Variants in BOD1L1 observed in about 807,000 individuals in gnomAD.
BOD1L1 encodes the protein biorientation of chromosomes in cell division protein 1-like 1.
In BOD1L1, 86 loss-of-function variants were observed where a neutral mutation model predicts 240.7. The ratio of observed to expected loss-of-function variants is 0.36; its 90% CI spans 0.30 to 0.43. The LOEUF (loss-of-function observed/expected upper bound fraction) is 0.43, where lower values mean the gene tolerates loss of function less well. Ranked by LOEUF, BOD1L1 falls within the 20% of genes least tolerant of loss-of-function variation. The pLI is 1.00. For synonymous variants in BOD1L1, 1,268 were observed against 1,272.3 expected (o/e 1.00, Z 0.07); for missense variants, 3,554 against 3,643.5 (o/e 0.98, Z 0.63).
At chr4:13,583,971 C>T (rs1713437451) in intron 17 of BOD1L1, among the ~76,000 whole-genome samples, 1 of 152,166 alleles carries the variant, frequency 6.6e-6, no homozygotes, top group African/African-American at 2.4e-5. Flanking sequence ...CCTTAAGGTA[C>T]TTTGACAGTA....
intron 2 of BOD1L1, among the ~76,000 whole-genome samples, chr4:13,618,413 T>G (rs1716780287): frequency 6.6e-6 from 1 of 152,258 alleles, no homozygotes; most frequent in South Asian, 2.1e-4. Flanking sequence ...CCCCTAGTCC[T>G]AAGCTATTTT....
Position 13,614,645 on chromosome 4 carries a change from G to A in BOD1L1, c.725C>T (p.Thr242Ile), listed in dbSNP as rs756738923. ...TTCTTTGTCAGTACTAGTATCAGTG[G>A]TTGGCTGAGATGGAAGTTTTTTTGA... ...RASKKLPSQP[T>I]TDTSTDKERT... is the part of the protein sequence containing the mutation. Residue 242 changes from threonine to isoleucine, a missense_variant, in exon 4 of 26, where the codon ACC (threonine) becomes ATC (isoleucine). By Grantham distance (89) the Thr-to-Ile change is moderately conservative. This residue lies in a region of BOD1L1 where 3,393 missense variants were observed against 3,427.1 expected (regional missense o/e 0.99). Transcript: ENST00000040738. 3 of 1,613,722 alleles carry A rather than the reference G, an allele frequency of 1.9e-6. No homozygotes were observed. Among genetic ancestry groups the A allele is most frequent in the Non-Finnish European group, 2.5e-6 (3 of 1,179,870 alleles).
chr4:13,586,637 A>G (rs77896184), intron 16 of BOD1L1, among the ~76,000 whole-genome samples, 162 bp from the exon 17 acceptor site: 1 of 152,252 alleles, frequency 6.6e-6, no homozygotes, highest in African/African-American at 2.4e-5. Flanking sequence ...TTGAGCACTG[A>G]ACACTTGCCT....
chr4:13,622,403 G>T (rs560468597), intron 1 of BOD1L1, among the ~76,000 whole-genome samples: 5 of 152,120 alleles, frequency 3.3e-5, no homozygotes, highest in African/African-American at 1.2e-4. Flanking sequence ...TATTCATTGA[G>T]AAGTATTCTC....
At chr4:13,582,555 C>A in intron 18 of BOD1L1, 97 bp downstream of exon 18, 1 of 927,660 alleles carries the variant, frequency 1.1e-6, no homozygotes, top group South Asian at 1.6e-5. Flanking sequence ...CTTTATTACA[C>A]AGGAAAAGTA....
At chr4:13,571,566 GCT>G (rs1712208428) in intron 25 of BOD1L1, among the ~76,000 whole-genome samples, 1 of 152,208 alleles carries the variant, frequency 6.6e-6, no homozygotes, top group Non-Finnish European at 1.5e-5. Context: ...GCCAACAGAA[GCT>G]CTGAGTCAGG....
chr4:13,627,504 C>T lies in BOD1L1; in HGVS notation c.84G>A (p.Pro28=). 2.0e-6 allele frequency: 2 copies of T among 1,011,084 alleles called. No homozygotes were observed. Among genetic ancestry groups the T allele is most frequent in the Non-Finnish European group, 2.4e-6 (2 of 847,434 alleles). 62.6% of individuals were successfully genotyped at this position (1,011,084 alleles called of 1,614,324 possible). A position where few individuals can be genotyped will look rare whatever the true frequency, so the allele number is the denominator to read the frequency against. The part of the protein sequence containing the change: ...PPQPQPQPPP[P]PPGPGAGPGA... ...CGGGGCCAGCCCCGGGGCCCGGCGGCGGCGGCGGTGGCTGCGGCTGCGGCT... is the reference window on the plus strand; with the variant it reads ...CGGGGCCAGCCCCGGGGCCCGGCGGTGGCGGCGGTGGCTGCGGCTGCGGCT... Residue 28 remains proline, a synonymous_variant, in exon 1 of 26, where the codon CCG becomes CCA. Coordinates refer to ENST00000040738, the MANE Select transcript of BOD1L1 (RefSeq NM_148894.3).
At chr4:13,573,460 C>CTATT in intron 25 of BOD1L1, among the ~76,000 whole-genome samples, 1 of 127,694 alleles carries the variant, frequency 7.8e-6, no homozygotes, top group Non-Finnish European at 1.8e-5. Context: ...ATCTATCTAT[C>CTATT]TATCTATCTA....
rs778195789 is a variant in BOD1L1 at position 13,604,288 on chromosome 4, T to C, written c.2612A>G (p.Tyr871Cys). The change falls in exon 10 of 26, where the codon TAT (tyrosine) becomes TGT (cysteine). Residue 871 changes from tyrosine (Y) to cysteine (C), a missense_variant. Physicochemically the swap from Tyr to Cys is radical, Grantham distance 194. Transcript: ENST00000040738. ...GITLQRRSES[Y>C]SEDKCDMDST... Reference sequence around the variant, plus strand: ...GTCCATATCACACTTATCTTCCGAATAACTTTCACTTCTTCTCTGTAATGT... The same window carrying C: ...GTCCATATCACACTTATCTTCCGAACAACTTTCACTTCTTCTCTGTAATGT... The C allele has an allele frequency of 9.3e-6, 15 of 1,606,072 alleles. No homozygotes were observed. In the Admixed American group the frequency reaches 2.6e-4, roughly 28 times the overall value.
Position 13,599,772 on chromosome 4 carries a change from G to C in BOD1L1, c.7128C>G (p.Pro2376=), listed in dbSNP as rs1382529476. 9 of 1,613,894 alleles carry C rather than the reference G, an allele frequency of 5.6e-6. No individual in the cohort carries two copies. The highest frequency in any genetic ancestry group is 7.6e-6 in the Non-Finnish European group (9 of 1,179,910). ...GACAGTTATTCTCAGCAATTAGGCTGGGCATGGGGACCTTGTGCTTGCTCA... is the reference window on the plus strand; with the variant it reads ...GACAGTTATTCTCAGCAATTAGGCTCGGCATGGGGACCTTGTGCTTGCTCA... ...TEVSKHKVPM[P]SLIAENNCRC... Residue 2376 remains proline (P), a synonymous_variant, in exon 10 of 26, where the codon CCC becomes CCG. Coordinates refer to ENST00000040738, the MANE Select transcript of BOD1L1 (RefSeq NM_148894.3).
At chr4:13,573,443 T>TCTGTCTATCTATCTATCTATCTAC (rs1560175369) in intron 25 of BOD1L1, among the ~76,000 whole-genome samples, 18 of 35,634 alleles carry the variant, frequency 5.1e-4, no homozygotes. Flanking sequence ...TGTCTGTCTG[T>TCTGTCTATCTATCTATCTATCTAC]CTATCTATCT....
chr4:13,583,731 A>G (rs932778069), intron 17 of BOD1L1, among the ~76,000 whole-genome samples: 3 of 152,214 alleles, frequency 2.0e-5, no homozygotes, highest in Non-Finnish European at 4.4e-5. Flanking sequence ...TTGTATCTGC[A>G]TTACAAATAT....
At chr4:13,581,790 A>T (rs1185617642) in intron 19 of BOD1L1, among the ~76,000 whole-genome samples, 3 of 152,144 alleles carry the variant, frequency 2.0e-5, no homozygotes, top group Non-Finnish European at 4.4e-5. Context: ...GCCTCCAGGA[A>T]TCCATGACCT....
chr4:13,604,817 T>C lies in BOD1L1; in HGVS notation c.2083A>G (p.Ser695Gly). 1 of 1,612,962 alleles carries C rather than the reference T, an allele frequency of 6.2e-7. No individual in the cohort carries two copies. Among genetic ancestry groups the C allele is most frequent in the Non-Finnish European group, 8.5e-7 (1 of 1,179,706 alleles). The change falls in exon 10 of 26, where the codon AGC becomes GGC. Residue 695 changes from serine (S) to glycine (G), a missense_variant. Physicochemically the swap from Ser to Gly is moderately conservative, Grantham distance 56. Coordinates refer to ENST00000040738, the MANE Select transcript of BOD1L1 (RefSeq NM_148894.3). The part of the protein sequence containing the change: ...ICTEEPQKQK[S>G]TLKNEKHLKK... ...AGATGCTTTTCGTTTTTAAGTGTGC[T>C]TTTCTGTTTCTGGGGCTCTTCGGTG...
chr4:13,598,793 G>C (rs1166949618), intron 10 of BOD1L1, among the ~76,000 whole-genome samples, 153 bp downstream of exon 10: 1 of 152,052 alleles, frequency 6.6e-6, no homozygotes, highest in Non-Finnish European at 1.5e-5. Context: ...TTTGATGAGA[G>C]TTATTTTGCA....
chr4:13,599,391 G>T lies in BOD1L1; in HGVS notation c.7509C>A (p.Ala2503=). 1 of 1,613,968 alleles carries T rather than the reference G, an allele frequency of 6.2e-7. No homozygotes were observed. Among genetic ancestry groups the T allele is most frequent in the South Asian group, 1.1e-5 (1 of 91,080 alleles). ...RGLEGNANSP[A]HLRGPEQTSG... ...ACGTCTGTTCTGGTCCTCTCAGGTG[G>T]GCAGGTGAGTTAGCATTCCCCTCTA... Residue 2503 remains alanine, a synonymous_variant, in exon 10 of 26, where the codon GCC becomes GCA. Transcript: ENST00000040738.
intron 17 of BOD1L1, among the ~76,000 whole-genome samples, chr4:13,585,869 T>G (rs1311055158): frequency 6.6e-6 from 1 of 152,194 alleles, no homozygotes; most frequent in East Asian, 1.9e-4. Flanking sequence ...GACGTGACTT[T>G]GCTCCTCCTT....
chr4:13,583,066 A>C (rs75787712), intron 17 of BOD1L1, among the ~76,000 whole-genome samples: 2,814 of 152,282 alleles, frequency 0.018, 98 homozygotes, highest in African/African-American at 0.065. Context: ...GAATGGACAG[A>C]TACTGGCAAC....
In BOD1L1 at chr4:13,600,673, C is replaced by A. The variant is rs1715060184; in HGVS notation, c.6227G>T (p.Ser2076Ile). The change falls in exon 10 of 26, where the codon AGT becomes ATT. Residue 2076 changes from serine (S) to isoleucine (I), a missense_variant. Physicochemically the swap from Ser to Ile is moderately radical, Grantham distance 142. Around this residue, in one of 2 missense-constraint regions of BOD1L1, gnomAD observed 3,393 missense variants for 3,427.1 expected, o/e 0.99. Transcript: ENST00000040738. Reference protein sequence around the residue: ...NQGKVLIISTSTTNDYTPQVS... With the variant: ...NQGKVLIISTITTNDYTPQVS... ...CTGAGGGGTGTAATCATTTGTGGTA[C>A]TGGTGGAAATAATCAAAACTTTGCC... The A allele has an allele frequency of 2.5e-6, 4 of 1,614,012 alleles. No homozygotes were observed. Among genetic ancestry groups the A allele is most frequent in the East Asian group, 2.2e-5 (1 of 44,882 alleles).
Sources: allele counts gnomAD v4.1 joint callset (sites outside exome capture counted in the v4.1 genomes callset), GRCh38; gene constraint gnomAD v4.1.1; regional missense constraint gnomAD v4.1.1; transcripts MANE v1.5; gene names NCBI Gene and HGNC (gene_info 2026-07-23, HGNC 2026-07-21).